LDB3: variants seen among roughly 807,000 people sequenced by gnomAD.
LDB3 encodes the protein LIM domain binding 3.
Under a neutral mutation model 69.0 loss-of-function variants are expected in LDB3, and 49 were observed. The observed-to-expected ratio is 0.71, with a 90% CI of 0.56 to 0.90. The LOEUF (loss-of-function observed/expected upper bound fraction) is 0.90, where lower values mean the gene tolerates loss of function less well. LDB3 is among the 40% of genes least tolerant of loss of function. The pLI is 0.00. For synonymous variants in LDB3, 387 were observed against 396.2 expected, an observed-to-expected ratio of 0.98 and a Z score of 0.28; for missense variants, 928 against 974.1, an observed-to-expected ratio of 0.95 and a Z score of 0.63.
chr10:86,728,586 GT>G (rs201899694), intron 13 of LDB3, among the ~76,000 whole-genome samples: 114 of 131,402 alleles, frequency 8.7e-4, no homozygotes, highest in Middle Eastern at 3.8e-3. Flanking sequence ...TGGTTCTTTT[GT>G]TTTTTTTTTT....
intron 7 of LDB3, among the ~76,000 whole-genome samples, chr10:86,705,183 A>C (rs935572295): frequency 6.6e-6 from 1 of 152,238 alleles, no homozygotes; most frequent in Non-Finnish European, 1.5e-5. Context: ...TTCAAATCAC[A>C]ACATCCCTCA....
intron 7 of LDB3, among the ~76,000 whole-genome samples, chr10:86,702,200 G>A (rs1181446002): frequency 6.6e-6 from 1 of 152,196 alleles, no homozygotes; most frequent in East Asian, 1.9e-4. Flanking sequence ...ACTAACACAA[G>A]TAGCATCATC....
chr10:86,721,297 TTA>T (rs754530237), intron 12 of LDB3, among the ~76,000 whole-genome samples: 82 of 152,350 alleles, frequency 5.4e-4, no homozygotes, highest in Non-Finnish European at 8.5e-4. Flanking sequence ...AACTTCATTT[TTA>T]CGTCTCGTCA....
intron 6 of LDB3, 123 bp from the exon 7 acceptor site, chr10:86,692,412 G>C: frequency 1.0e-6 from 1 of 995,940 alleles, no homozygotes; most frequent in Non-Finnish European, 1.6e-6. Flanking sequence ...CAGTGGACAG[G>C]CAAGGGGGCA....
chr10:86,687,063 C>T (rs1845518514), intron 5 of LDB3: 1 of 1,613,756 alleles, frequency 6.2e-7, no homozygotes. Context: ...CGCACCCCTC[C>T]CCCAGCGCCG....
rs947767182 is a variant in LDB3 at position 86,680,265 on chromosome 10, G to C, written c.321+108G>C. ...TGGCCCAACTGGGATGAGGCCGTGG[G>C]ATCAGCCCTGCCCCATCCCTGCCCC... On this transcript the variant is annotated intron_variant, in intron 4 of 13. Coordinates refer to ENST00000361373, the MANE Select transcript of LDB3 (RefSeq NM_007078.3). The C allele has an allele frequency of 4.9e-5, 47 of 966,534 alleles. No individual in the cohort carries two copies. The Admixed American group carries it at 8.7e-4, about 18-fold the overall frequency. 59.9% of individuals were successfully genotyped at this position (966,534 alleles called of 1,614,324 possible). A position where few individuals can be genotyped will look rare whatever the true frequency, so the allele number is the denominator to read the frequency against.
chr10:86,685,636 TC>T, intron 5 of LDB3: 1 of 1,612,148 alleles, frequency 6.2e-7, no homozygotes, highest in Non-Finnish European at 8.5e-7. Flanking sequence ...TGGTGGAGCC[TC>T]TCTCTGACCA....
rs1036079839 is a variant in LDB3 at position 86,681,742 on chromosome 10, A to G, written c.628A>G (p.Met210Val). The G allele has an allele frequency of 6.2e-7, 1 of 1,605,812 alleles. No individual in the cohort carries two copies. Among genetic ancestry groups the G allele is most frequent in the Non-Finnish European group, 8.5e-7 (1 of 1,175,594 alleles). Residue 210 changes from methionine (M) to valine (V), a missense_variant, in exon 5 of 14, where the codon ATG becomes GTG. Met to Val is a conservative substitution (Grantham distance 21, BLOSUM62 1). Transcript: ENST00000361373. ...GLYSAETLRE[M>V]AQMYQMSLRG... is the part of the protein sequence containing the mutation. ...GTACTCGGCAGAGACCCTGAGGGAG[A>G]TGGCTCAGATGTACCAGATGAGCCT...
intron 2 of LDB3, among the ~76,000 whole-genome samples, chr10:86,669,155 T>C (rs1844322695): frequency 6.6e-6 from 1 of 152,228 alleles, no homozygotes; most frequent in Middle Eastern, 3.4e-3. Context: ...TCCCTAGATA[T>C]GGGCAGCTGC....
rs200838004 is a variant in LDB3 at position 86,716,616 on chromosome 10, C to T, written c.1521C>T (p.Thr507=). The change falls in exon 10 of 14, where the codon ACC becomes ACT. Residue 507 remains threonine, a synonymous_variant. Transcript: ENST00000361373. The part of the protein sequence containing the change: ...SQKFAPGKST[T]SISKQTLPRG... ...AGTTTGCCCCGGGCAAGAGCACCAC[C>T]TCCATCAGCAAGCAGACCCTGCCCC... 70 of 1,613,908 alleles carry T rather than the reference C, an allele frequency of 4.3e-5. No individual in the cohort carries two copies. The highest frequency in any genetic ancestry group is 1.6e-4 in the Middle Eastern group (1 of 6,062).
intron 5 of LDB3, chr10:86,685,609 GGCGCTCAAACT>G: frequency 6.6e-7 from 1 of 1,526,080 alleles, no homozygotes; most frequent in Non-Finnish European, 9.1e-7. Flanking sequence ...TGATGGCCCC[GGCGCTCAAACT>G]GCCCCTGGTG....
intron 12 of LDB3, among the ~76,000 whole-genome samples, chr10:86,720,831 T>C (rs1476244775): frequency 2.6e-5 from 4 of 152,208 alleles, no homozygotes; most frequent in Non-Finnish European, 1.5e-5. Flanking sequence ...AGTAAGAAGA[T>C]CCAGGAAGAA....
chr10:86,675,375 T>C (rs12240646), intron 2 of LDB3, among the ~76,000 whole-genome samples: 54,668 of 152,104 alleles, frequency 0.36, 9,892 homozygotes, highest in South Asian at 0.46. Context: ...CCCCAGCCTC[T>C]CTTGGATATC....
chr10:86,723,614 G>A (rs1275178748), intron 12 of LDB3, among the ~76,000 whole-genome samples: 3 of 152,214 alleles, frequency 2.0e-5, no homozygotes. Context: ...AGACGGGTCA[G>A]CCCATACCAG....
At chr10:86,709,866 C>T in intron 8 of LDB3, 39 bp from the exon 9 acceptor site, 1 of 1,602,562 alleles carries the variant, frequency 6.2e-7, no homozygotes, top group Non-Finnish European at 8.5e-7. Context: ...CCAGTGGGGG[C>T]TGTCCTTCTG....
At chr10:86,678,131 G>A (rs1262386438) in intron 2 of LDB3, among the ~76,000 whole-genome samples, 4 of 152,022 alleles carry the variant, frequency 2.6e-5, no homozygotes, top group African/African-American at 7.2e-5. Flanking sequence ...CACCTCCTGG[G>A]TTCAATCAAG....
In LDB3 at chr10:86,687,318, G is replaced by C. The variant is rs371594596; in HGVS notation, c.690-4578G>C. 5.1e-6 allele frequency: 8 copies of C among 1,559,088 alleles called. No homozygotes were observed. In the African/African-American group the frequency reaches 1.1e-4, roughly 21 times the overall value. ...CCGCCACTCAGTGCCTCCAGAGCCCGAGGGGTATGGGCCATTGGGCACCAT... is the reference window on the plus strand; with the variant it reads ...CCGCCACTCAGTGCCTCCAGAGCCCCAGGGGTATGGGCCATTGGGCACCAT... On this transcript the variant is annotated intron_variant, in intron 5 of 13. Coordinates refer to ENST00000361373, the MANE Select transcript of LDB3 (RefSeq NM_007078.3).
rs1261711953 is a variant in LDB3, at chr10:86,686,686, G to T, written c.689+4883G>T. Among the ~76,000 whole-genome samples, 6 of 151,906 alleles carry T rather than the reference G, an allele frequency of 3.9e-5. No individual in the cohort carries two copies. In the East Asian group the frequency reaches 1.2e-3, roughly 29 times the overall value. On this transcript the variant is annotated intron_variant, in intron 5 of 13. Coordinates refer to ENST00000361373, the MANE Select transcript of LDB3 (RefSeq NM_007078.3). The stretch of plus-strand genomic sequence containing the variant: ...AAAAAAATAGTGGCATATGCCTGTG[G>T]TCCTAGCTACCTCAGGAGGCTGAGG...
chr10:86,687,348 A>G (rs1845539193), intron 5 of LDB3: 2 of 1,423,012 alleles, frequency 1.4e-6, no homozygotes, highest in Admixed American at 1.7e-5. Context: ...CACCATCGGG[A>G]CCAGCTTTCT....
Sources: allele counts gnomAD v4.1 joint callset (sites outside exome capture counted in the v4.1 genomes callset), GRCh38; gene constraint gnomAD v4.1.1; transcripts MANE v1.5; gene names NCBI Gene and HGNC (gene_info 2026-07-23, HGNC 2026-07-21).